The following ZNF385D variants were observed in gnomAD, a reference collection of about 807,000 sequenced individuals.
ZNF385D encodes the protein zinc finger protein 385D.
ZNF385D carries 15 observed loss-of-function variants against 35.8 expected under a neutral mutation model. The ratio of observed to expected loss-of-function variants is 0.42; its 90% CI spans 0.28 to 0.64. ZNF385D has a LOEUF of 0.64. Ranked by LOEUF, ZNF385D falls within the 30% of genes least tolerant of loss-of-function variation. The pLI is 0.23. For missense variants in ZNF385D, 474 were observed against 494.6 expected, an observed-to-expected ratio of 0.96 and a Z score of 0.39; for synonymous variants, 212 against 186.8, an observed-to-expected ratio of 1.13 and a Z score of -1.10.
intron 3 of ZNF385D, among the ~76,000 whole-genome samples, chr3:21,862,612 C>T (rs1697117106): frequency 1.3e-5 from 2 of 152,060 alleles, no homozygotes; most frequent in African/African-American, 4.8e-5. Flanking sequence ...AGCATTCCAG[C>T]ATAAAGACGT....
At chr3:21,899,747 CATAAT>C (rs747506665) in intron 3 of ZNF385D, among the ~76,000 whole-genome samples, 21 of 152,234 alleles carry the variant, frequency 1.4e-4, no homozygotes, top group Non-Finnish European at 2.6e-4. Context: ...TCCTACTAAA[CATAAT>C]ATATTTGCTA....
chr3:21,428,792 T>A (rs1701141527), intron 5 of ZNF385D, among the ~76,000 whole-genome samples: 2 of 152,098 alleles, frequency 1.3e-5, no homozygotes, highest in Admixed American at 1.3e-4. Flanking sequence ...TGCAAGGAGC[T>A]AAGTGGACTA....
At chr3:22,105,371 A>ATC (rs1352212553) in intron 3 of ZNF385D, among the ~76,000 whole-genome samples, 1 of 151,946 alleles carries the variant, frequency 6.6e-6, no homozygotes, top group Non-Finnish European at 1.5e-5. Flanking sequence ...ATATATCTAT[A>ATC]TCTCTCTCTA....
Position 22,180,914 on chromosome 3 carries a change from C to CTTTTTTTTTTTTTTT in ZNF385D, c.107-11894_107-11880dup, listed in dbSNP as rs61668943. Among the ~76,000 whole-genome samples the CTTTTTTTTTTTTTTT allele has an allele frequency of 4.1e-4, 46 of 112,960 alleles. 1 individual carries two copies. Among genetic ancestry groups the CTTTTTTTTTTTTTTT allele is most frequent in the Middle Eastern group, 5.4e-3 (1 of 184 alleles). The allele number at this position is 112,960 out of a possible 152,430, so 74.1% of individuals were successfully genotyped here. A position where few individuals can be genotyped will look rare whatever the true frequency, so the allele number is the denominator to read the frequency against. On this transcript the variant is annotated intron_variant, in intron 2 of 5. Coordinates refer to the ZNF385D transcript ENST00000494108. ...AATCCAGTAGCTATATGCTTTTGTTCTTTTTTTTTTTTTTTTAAGAGACAG... is the reference window on the plus strand; with the variant it reads ...AATCCAGTAGCTATATGCTTTTGTTCTTTTTTTTTTTTTTTTTTTTTTTTTTTTTTTAAGAGACAG...
intron 3 of ZNF385D, among the ~76,000 whole-genome samples, chr3:22,068,406 C>CAT (rs1700067975): frequency 6.6e-6 from 1 of 152,184 alleles, no homozygotes; most frequent in African/African-American, 2.4e-5. Context: ...GTCCTATATC[C>CAT]AAGTGTAGTA....
chr3:22,110,770 C>G (rs924249862), intron 3 of ZNF385D, among the ~76,000 whole-genome samples: 7 of 148,876 alleles, frequency 4.7e-5, no homozygotes, highest in African/African-American at 1.5e-4. Flanking sequence ...AACATGTACC[C>G]TAAAACTTAA....
At chr3:21,724,639 TA>T (rs1417719963) in intron 1 of ZNF385D, among the ~76,000 whole-genome samples, 2 of 151,766 alleles carry the variant, frequency 1.3e-5, no homozygotes, top group East Asian at 3.9e-4. Context: ...CTAACTATAC[TA>T]AATATATACG....
chr3:22,191,693 G>A (rs1696043855), intron 2 of ZNF385D, among the ~76,000 whole-genome samples: 1 of 151,972 alleles, frequency 6.6e-6, no homozygotes, highest in African/African-American at 2.4e-5. Context: ...AACACAATGT[G>A]TAGTACTTGT....
At chr3:22,361,991 C>T (rs901535468) in intron 2 of ZNF385D, among the ~76,000 whole-genome samples, 2 of 151,356 alleles carry the variant, frequency 1.3e-5, no homozygotes, top group Admixed American at 1.3e-4. Context: ...AATGTAAATC[C>T]CATCATTTCT....
intron 1 of ZNF385D, among the ~76,000 whole-genome samples, chr3:21,674,640 C>G (rs1006357430): frequency 1.3e-5 from 2 of 152,062 alleles, no homozygotes; most frequent in African/African-American, 4.8e-5. Flanking sequence ...ATTCCTGGTG[C>G]AGGATGCAGC....
intron 3 of ZNF385D, among the ~76,000 whole-genome samples, chr3:21,871,683 T>C (rs1362192986): frequency 6.6e-6 from 1 of 152,144 alleles, no homozygotes; most frequent in Non-Finnish European, 1.5e-5. Flanking sequence ...GTGTTTTCTT[T>C]AAGAAAACTG....
At chr3:21,863,334 TTCATTA>T (rs1697161396) in intron 3 of ZNF385D, among the ~76,000 whole-genome samples, 1 of 152,146 alleles carries the variant, frequency 6.6e-6, no homozygotes, top group South Asian at 2.1e-4. Flanking sequence ...GTGTAAGCAT[TTCATTA>T]TAACTTGTAA....
rs555708205 is a variant in ZNF385D at position 22,142,874 on chromosome 3, C to G, written c.325+25943G>C. ...CCCGGGTTCCAAAAAGTTCTCTCCT[C>G]TTACCCCATAAAGAATAGCAATAGT... On this transcript the variant is annotated intron_variant, in intron 3 of 5. Coordinates refer to the ZNF385D transcript ENST00000494108. Among the ~76,000 whole-genome samples, 239 of 152,208 alleles carry G rather than the reference C, an allele frequency of 1.6e-3. 1 individual carries two copies. In the Middle Eastern group the frequency reaches 0.017, roughly 11 times the overall value.
intron 2 of ZNF385D, among the ~76,000 whole-genome samples, chr3:22,246,037 C>T (rs1161558870): frequency 6.6e-6 from 1 of 152,108 alleles, no homozygotes; most frequent in Non-Finnish European, 1.5e-5. Context: ...TTTCTAGACA[C>T]ACAACATTTG....
At chr3:22,229,088 C>A (rs778597064) in intron 2 of ZNF385D, among the ~76,000 whole-genome samples, 1 of 152,170 alleles carries the variant, frequency 6.6e-6, no homozygotes, top group Non-Finnish European at 1.5e-5. Flanking sequence ...TTAATAAACT[C>A]TTTCATATAT....
intron 3 of ZNF385D, among the ~76,000 whole-genome samples, chr3:22,121,877 A>G (rs1199393494): frequency 6.6e-6 from 1 of 152,084 alleles, no homozygotes; most frequent in Non-Finnish European, 1.5e-5. Flanking sequence ...CTTTACATTT[A>G]TCTAACTGTA....
intron 4 of ZNF385D, among the ~76,000 whole-genome samples, chr3:21,467,761 G>A (rs376985094): frequency 6.6e-5 from 10 of 152,032 alleles, no homozygotes; most frequent in South Asian, 2.1e-4. Flanking sequence ...AACACCATGC[G>A]TTCTAGTTAA....
At chr3:22,366,910 A>T (rs1485693228) in intron 2 of ZNF385D, among the ~76,000 whole-genome samples, 1 of 152,190 alleles carries the variant, frequency 6.6e-6, no homozygotes, top group Non-Finnish European at 1.5e-5. Context: ...TGTGGCCACA[A>T]GCCAAGGAAT....
chr3:21,564,443 T>TA (rs1292579218), intron 3 of ZNF385D, 131 bp downstream of exon 3: 1 of 505,682 alleles, frequency 2.0e-6, no homozygotes, highest in Non-Finnish European at 3.3e-6. Context: ...CATAGTGAGT[T>TA]AAAATGTTAT....
Sources: allele counts gnomAD v4.1 joint callset (sites outside exome capture counted in the v4.1 genomes callset), GRCh38; gene constraint gnomAD v4.1.1; transcripts MANE v1.5; gene names NCBI Gene and HGNC (gene_info 2026-07-23, HGNC 2026-07-21).